The following OCA2 variants were observed in gnomAD, a reference collection of about 807,000 sequenced individuals.
OCA2 encodes the protein OCA2 melanosomal transmembrane protein, also known as P protein.
OCA2 carries 77 observed loss-of-function variants against 100.2 expected under a neutral mutation model. The observed-to-expected ratio is 0.77, with a 90% CI of 0.64 to 0.93. OCA2 has a LOEUF of 0.93. Ranked by LOEUF, OCA2 falls within the 40% of genes least tolerant of loss-of-function variation. The probability of loss-of-function intolerance (pLI) is 0.00; values close to 1 mark genes in which losing one functional copy is unlikely to be tolerated. For synonymous variants in OCA2, 432 were observed against 439.2 expected (o/e 0.98, Z 0.21); for missense variants, 1,062 against 1,089.1 (o/e 0.98, Z 0.35).
At chr15:27,937,996 A>C (rs1039688750) in intron 18 of OCA2, among the ~76,000 whole-genome samples, 1 of 152,244 alleles carries the variant, frequency 6.6e-6, no homozygotes, top group African/African-American at 2.4e-5. Context: ...AAATATAAAT[A>C]AGAAAATGAT....
rs201484597 is a variant in OCA2 at position 27,985,155 on chromosome 15, T to C, written c.1273A>G (p.Met425Val). The change falls in exon 13 of 24, where the codon ATG (methionine) becomes GTG (valine). Residue 425 changes from methionine (M) to valine (V), a missense_variant. Physicochemically the swap from Met to Val is conservative, Grantham distance 21. Coordinates refer to ENST00000354638, the MANE Select transcript of OCA2 (RefSeq NM_000275.3). Reference sequence around the variant, plus strand: ...GCGATGAGACAGAGCATGATGATCATGGCCCACACCCGTCCCCGGGAGAGC... The same window carrying C: ...GCGATGAGACAGAGCATGATGATCACGGCCCACACCCGTCCCCGGGAGAGC... ...YRLSRGRVWA[M>V]IIMLCLIAAV... The C allele has an allele frequency of 5.6e-6, 9 of 1,613,758 alleles. No homozygotes were observed. The African/African-American group carries it at 1.2e-4, about 22-fold the overall frequency.
chr15:27,747,981 G>A, the OCA2 span, among the ~76,000 whole-genome samples: 5 of 152,188 alleles, frequency 3.3e-5, no homozygotes, highest in South Asian at 1.0e-3. Flanking sequence ...ATAGTGGTGG[G>A]GCACCCACAC....
chr15:27,866,905 C>A (rs778318686), intron 21 of OCA2, among the ~76,000 whole-genome samples: 1 of 152,210 alleles, frequency 6.6e-6, no homozygotes, highest in African/African-American at 2.4e-5. Context: ...AGAGGCCAGT[C>A]TGGAGAATTT....
intron 23 of OCA2, among the ~76,000 whole-genome samples, chr15:27,774,359 C>A (rs540900998): frequency 6.6e-6 from 1 of 152,196 alleles, no homozygotes; most frequent in Non-Finnish European, 1.5e-5. Flanking sequence ...AGGCCCCCCG[C>A]GTTCTGCACT....
intron 9 of OCA2, among the ~76,000 whole-genome samples, chr15:27,996,827 C>T (rs546510421): frequency 1.3e-5 from 2 of 152,124 alleles, no homozygotes; most frequent in African/African-American, 4.8e-5. Flanking sequence ...GAAAGTCTCA[C>T]CAATGGCTTC....
chr15:27,755,434 C>G lies in OCA2; in HGVS notation c.2471G>C (p.Gly824Ala). 1 of 1,613,934 alleles carries G rather than the reference C, an allele frequency of 6.2e-7. No individual in the cohort carries two copies. The highest frequency in any genetic ancestry group is 1.3e-5 in the African/African-American group (1 of 75,014). Residue 824 changes from glycine to alanine, a missense_variant, in exon 24 of 24, where the codon GGG becomes GCG. Transcript: ENST00000354638. The part of the protein sequence containing the change: ...FPMMVVSCTV[G>A]MCYLLVAHVV... ...ATGAGCCACAAGGAGATAACACATC[C>G]CAACAGTGCAGGACACAACCATCAT...
At chr15:27,837,059 T>C (rs548362724) in intron 23 of OCA2, among the ~76,000 whole-genome samples, 37 of 152,338 alleles carry the variant, frequency 2.4e-4, no homozygotes, top group Admixed American at 2.3e-3. Context: ...TTTAATTGAC[T>C]GGTGTATCTT....
At chr15:27,873,231 T>C (rs1052903513) in intron 19 of OCA2, among the ~76,000 whole-genome samples, 2 of 152,206 alleles carry the variant, frequency 1.3e-5, no homozygotes, top group African/African-American at 4.8e-5. Context: ...CATTATAAAA[T>C]GTTGCGTAGC....
downstream of OCA2, among the ~76,000 whole-genome samples, chr15:27,750,165 A>G (rs2030019169): frequency 6.6e-6 from 1 of 152,154 alleles, no homozygotes; most frequent in South Asian, 2.1e-4. Context: ...TTGTCTCAAG[A>G]TTCATCCCTC....
chr15:28,079,168 T>C (rs2044532113), intron 2 of OCA2, among the ~76,000 whole-genome samples: 1 of 152,212 alleles, frequency 6.6e-6, no homozygotes, highest in Admixed American at 6.5e-5. Context: ...GCTCATTCTC[T>C]TCACAACTGA....
At chr15:27,836,311 G>A (rs1395734126) in intron 23 of OCA2, among the ~76,000 whole-genome samples, 1 of 152,228 alleles carries the variant, frequency 6.6e-6, no homozygotes, top group African/African-American at 2.4e-5. Context: ...GGATCAGCCT[G>A]CTTTGAGAAG....
chr15:27,726,151 A>T, the OCA2 span, among the ~76,000 whole-genome samples: 1 of 151,962 alleles, frequency 6.6e-6, no homozygotes, highest in South Asian at 2.1e-4. Context: ...ACAAAAAAAT[A>T]GCTGGGCGTG....
chr15:28,040,919 T>G (rs2141460696), intron 2 of OCA2, among the ~76,000 whole-genome samples: 1 of 152,190 alleles, frequency 6.6e-6, no homozygotes, highest in East Asian at 1.9e-4. Context: ...AAAGAAAAAT[T>G]AACACCAATT....
chr15:27,963,428 G>T (rs561907478), intron 15 of OCA2, among the ~76,000 whole-genome samples: 1 of 152,214 alleles, frequency 6.6e-6, no homozygotes, highest in South Asian at 2.1e-4. Flanking sequence ...CAAGATTTAT[G>T]AAATATATTC....
chr15:28,027,122 G>A (rs547083914), intron 4 of OCA2, among the ~76,000 whole-genome samples: 3 of 152,336 alleles, frequency 2.0e-5, no homozygotes, highest in African/African-American at 4.8e-5. Context: ...ATGAACGGGC[G>A]CATGGGAGGA....
chr15:28,080,551 A>G (rs1472507140), intron 2 of OCA2, among the ~76,000 whole-genome samples: 1 of 152,252 alleles, frequency 6.6e-6, no homozygotes, highest in Non-Finnish European at 1.5e-5. Context: ...CTGTAAGTCA[A>G]TAGAAACATT....
At chr15:27,731,763 G>GA in the OCA2 span, among the ~76,000 whole-genome samples, 1 of 152,074 alleles carries the variant, frequency 6.6e-6, no homozygotes, top group Non-Finnish European at 1.5e-5. Context: ...TCACAGGAGA[G>GA]AAAAAAGGAA....
At chr15:28,089,688 A>T (rs2044839936) in intron 1 of OCA2, among the ~76,000 whole-genome samples, 1 of 152,266 alleles carries the variant, frequency 6.6e-6, no homozygotes, top group South Asian at 2.1e-4. Context: ...ATTTAAAAAT[A>T]TGACTCAACT....
chr15:27,892,934 T>C (rs147572433), intron 19 of OCA2, among the ~76,000 whole-genome samples: 7 of 152,258 alleles, frequency 4.6e-5, no homozygotes, highest in South Asian at 2.1e-4. Context: ...TATCAACAAC[T>C]TTACGCTCAC....
Sources: gnomAD v4.1 joint callset for allele counts (sites outside exome capture counted in the v4.1 genomes callset) on GRCh38, gnomAD v4.1.1 for gene constraint, MANE v1.5 for transcripts, NCBI Gene and HGNC (gene_info 2026-07-23, HGNC 2026-07-21) for gene names.